MBD5: variants seen among roughly 807,000 people sequenced by gnomAD.
MBD5 encodes the protein methyl-CpG binding domain protein 5.
Under a neutral mutation model 117.3 loss-of-function variants are expected in MBD5, and 13 were observed. The ratio of observed to expected loss-of-function variants is 0.11; its 90% CI spans 0.07 to 0.18. The LOEUF is 0.18. Among genes scored for constraint, MBD5 ranks in the 10% least tolerant of loss-of-function variants. The pLI, the probability that MBD5 is intolerant of heterozygous loss-of-function variation, is 1.00. For synonymous variants in MBD5, 727 were observed against 766.4 expected (o/e 0.95, Z 0.85); for missense variants, 1,879 against 2,093.8 (o/e 0.90, Z 2.00).
chr2:148,223,432 CATTACTT>C (rs1699742457), intron 2 of MBD5, among the ~76,000 whole-genome samples: 1 of 152,088 alleles, frequency 6.6e-6, no homozygotes, highest in African/African-American at 2.4e-5. Context: ...GCTTCAATCT[CATTACTT>C]GTTACTGGTT....
intron 13 of MBD5, among the ~76,000 whole-genome samples, chr2:148,511,806 A>T (rs1682222668): frequency 6.6e-6 from 1 of 152,228 alleles, no homozygotes; most frequent in Admixed American, 6.5e-5. Context: ...AAAACCCATA[A>T]ACATTATTTA....
intron 3 of MBD5, among the ~76,000 whole-genome samples, chr2:148,332,636 C>G (rs1191400183): frequency 6.6e-6 from 1 of 152,088 alleles, no homozygotes; most frequent in Non-Finnish European, 1.5e-5. Flanking sequence ...TGTCTTTTAG[C>G]CTCCAGTGTT....
chr2:148,492,776 T>C (rs952044459), intron 11 of MBD5, among the ~76,000 whole-genome samples: 1 of 152,082 alleles, frequency 6.6e-6, no homozygotes, highest in African/African-American at 2.4e-5. Flanking sequence ...CAGAGGTCTG[T>C]CTGACTTCAA....
chr2:148,159,304 T>TTTG lies in MBD5; in HGVS notation c.-924-19375_-924-19373dup, dbSNP rs529416379. The stretch of plus-strand genomic sequence containing the variant: ...TAAGTTGTCTTCTAATTATACTTGT[T>TTTG]TTGTTGTTGTTGTTGTTGTTGTTAT... On this transcript the variant is annotated intron_variant, in intron 1 of 13. Coordinates refer to ENST00000642680, the MANE Select transcript of MBD5 (RefSeq NM_001378120.1). 4.9e-3 allele frequency among the ~76,000 whole-genome samples: 742 copies of TTTG among 152,008 alleles called. 5 individuals are homozygous for TTTG. The highest frequency in any genetic ancestry group is 0.016 in the African/African-American group (644 of 41,474).
At chr2:148,230,447 G>T (rs1699955946) in intron 2 of MBD5, among the ~76,000 whole-genome samples, 1 of 152,096 alleles carries the variant, frequency 6.6e-6, no homozygotes, top group African/African-American at 2.4e-5. Flanking sequence ...CAGGGCAGCA[G>T]GCTGTCCTCT....
intron 1 of MBD5, among the ~76,000 whole-genome samples, chr2:148,151,544 A>G (rs1697667833): frequency 6.6e-6 from 1 of 151,620 alleles, no homozygotes; most frequent in South Asian, 2.1e-4. Context: ...TACCTCTGGT[A>G]AAATTCGGCA....
intron 4 of MBD5, among the ~76,000 whole-genome samples, chr2:148,408,299 T>A (rs1021524524): frequency 1.3e-5 from 2 of 152,182 alleles, no homozygotes; most frequent in African/African-American, 4.8e-5. Flanking sequence ...CTTTTAACGT[T>A]CCTGAAGCCT....
chr2:148,214,377 T>C (rs1699502034), intron 2 of MBD5, among the ~76,000 whole-genome samples: 1 of 152,218 alleles, frequency 6.6e-6, no homozygotes, highest in South Asian at 2.1e-4. Context: ...TCTTTCCTCT[T>C]TTAGCATGTT....
At chr2:148,112,442 T>C (rs1035967844) in intron 1 of MBD5, among the ~76,000 whole-genome samples, 3 of 152,200 alleles carry the variant, frequency 2.0e-5, no homozygotes, top group Non-Finnish European at 4.4e-5. Flanking sequence ...TTTCCTAAAA[T>C]GGCCTAACAA....
intron 3 of MBD5, among the ~76,000 whole-genome samples, chr2:148,290,096 C>G (rs1165212574): frequency 6.7e-6 from 1 of 149,798 alleles, no homozygotes; most frequent in African/African-American, 2.5e-5. Flanking sequence ...GCTGGGATTA[C>G]AGGTGCCCAC....
intron 4 of MBD5, among the ~76,000 whole-genome samples, chr2:148,428,756 A>G (rs1317989016): frequency 6.6e-6 from 1 of 152,250 alleles, no homozygotes; most frequent in Non-Finnish European, 1.5e-5. Context: ...AGGATTCCTT[A>G]TTTAATAAAT....
chr2:148,330,115 A>ACACACACACACACACT lies in MBD5; in HGVS notation c.-679-12096_-679-12095insACACACACACACTCAC, dbSNP rs148068244. Among the ~76,000 whole-genome samples the ACACACACACACACACT allele has an allele frequency of 4.4e-3, 561 of 127,418 alleles. 11 individuals carry two copies. Among genetic ancestry groups the ACACACACACACACACT allele is most frequent in the Middle Eastern group, 0.015 (4 of 262 alleles). 83.6% of individuals were successfully genotyped at this position (127,418 alleles called of 152,430 possible). ...CACACACACACACACACACACACAC[A>ACACACACACACACACT]CACTCTACCTTAGGCCAAAAAAGGG... On this transcript the variant is annotated intron_variant, in intron 3 of 13. Coordinates refer to ENST00000642680, the MANE Select transcript of MBD5 (RefSeq NM_001378120.1).
chr2:148,506,825 ATAG>A (rs1682047720), intron 12 of MBD5, among the ~76,000 whole-genome samples: 1 of 152,244 alleles, frequency 6.6e-6, no homozygotes, highest in Non-Finnish European at 1.5e-5. Flanking sequence ...GGAATAGAAA[ATAG>A]TAGAAGAAAC....
At chr2:148,212,438 T>C (rs115480152) in intron 2 of MBD5, among the ~76,000 whole-genome samples, 3,672 of 152,352 alleles carry the variant, frequency 0.024, 51 homozygotes, top group Non-Finnish European at 0.04. Context: ...TAATGTTCTA[T>C]TATATAGATA....
intron 1 of MBD5, among the ~76,000 whole-genome samples, chr2:148,047,244 A>C (rs1416429006): frequency 6.6e-6 from 1 of 152,176 alleles, no homozygotes. Context: ...TTCTAGTGTC[A>C]GTCACCAAGA....
At position 148,483,760 on chromosome 2, in the gene MBD5, C is replaced by G. The variant is rs188449443; in HGVS notation, c.3169C>G (p.Pro1057Ala). 1 of 1,550,594 alleles carries G rather than the reference C, an allele frequency of 6.4e-7. No homozygotes were observed. The highest frequency in any genetic ancestry group is 1.2e-5 in the South Asian group (1 of 84,062). The change falls in exon 9 of 14, where the codon CCT (proline) becomes GCT (alanine). Residue 1057 changes from proline to alanine, a missense_variant. By Grantham distance (27) the Pro-to-Ala change is conservative (BLOSUM62 -1). This residue lies in a region of MBD5 where 1,666 missense variants were observed against 1,792.2 expected (regional missense o/e 0.93). Coordinates refer to ENST00000642680, the MANE Select transcript of MBD5 (RefSeq NM_001378120.1). The stretch of plus-strand genomic sequence containing the variant: ...CCTTTTAACCAGCCCCCTGGGGAAC[C>G]CTTTACCAAGCTTTGCAGGCAGTGA... Reference protein sequence around the residue: ...ETLLTSPLGNPLPSFAGSDTT... With the variant: ...ETLLTSPLGNALPSFAGSDTT...
intron 3 of MBD5, among the ~76,000 whole-genome samples, chr2:148,279,987 G>A (rs1411956727): frequency 6.6e-6 from 1 of 151,774 alleles, no homozygotes; most frequent in Non-Finnish European, 1.5e-5. Context: ...GTTTTGTTTA[G>A]TTAATTTTTC....
intron 4 of MBD5, among the ~76,000 whole-genome samples, chr2:148,433,813 T>G (rs1448609665): frequency 6.6e-6 from 1 of 152,158 alleles, no homozygotes; most frequent in Non-Finnish European, 1.5e-5. Flanking sequence ...GAAGTTTTCT[T>G]TTTTTGTTGT....
At chr2:148,224,910 A>G (rs1027734222) in intron 2 of MBD5, among the ~76,000 whole-genome samples, 5 of 151,828 alleles carry the variant, frequency 3.3e-5, no homozygotes, top group African/African-American at 1.2e-4. Context: ...ATTGGCATGG[A>G]ATATTTTTTT....
Sources: allele counts gnomAD v4.1 joint callset (sites outside exome capture counted in the v4.1 genomes callset), GRCh38; gene constraint gnomAD v4.1.1; regional missense constraint gnomAD v4.1.1; transcripts MANE v1.5; gene names NCBI Gene and HGNC (gene_info 2026-07-23, HGNC 2026-07-21).